The following BMPR1B variants were observed in gnomAD, a reference collection of about 807,000 sequenced individuals.
The protein encoded by BMPR1B is bone morphogenetic protein receptor type-1B.
BMPR1B carries 12 observed loss-of-function variants against 59.1 expected under a neutral mutation model. The ratio of observed to expected loss-of-function variants is 0.20; its 90% confidence interval spans 0.13 to 0.33. The LOEUF (loss-of-function observed/expected upper bound fraction) is 0.33. BMPR1B is among the 10% of genes least tolerant of loss of function. BMPR1B has a pLI of 1.00. For missense variants in BMPR1B, 550 were observed against 610.9 expected (o/e 0.90, Z 1.05); for synonymous variants, 237 against 207.3 (o/e 1.14, Z -1.23).
intron 2 of BMPR1B, among the ~76,000 whole-genome samples, chr4:94,945,461 A>G (rs940754023): frequency 6.6e-6 from 1 of 152,190 alleles, no homozygotes; most frequent in African/African-American, 2.4e-5. Flanking sequence ...TTGTTTAGAC[A>G]GGGTCTTGCT....
intron 3 of BMPR1B, among the ~76,000 whole-genome samples, chr4:95,079,210 A>T (rs932583179): frequency 8.5e-5 from 13 of 152,224 alleles, no homozygotes. Context: ...CACAATTGAG[A>T]TAGGACAGAA....
chr4:95,011,637 A>T (rs1041939324), intron 3 of BMPR1B, among the ~76,000 whole-genome samples: 14 of 152,216 alleles, frequency 9.2e-5, no homozygotes, highest in Non-Finnish European at 2.1e-4. Flanking sequence ...ACATTTTATT[A>T]GCCAGCTTTT....
At chr4:94,946,940 T>C (rs1729738655) in intron 2 of BMPR1B, among the ~76,000 whole-genome samples, 1 of 152,022 alleles carries the variant, frequency 6.6e-6, no homozygotes, top group Non-Finnish European at 1.5e-5. Context: ...TGGCCCCTGC[T>C]ACCCGGGAGA....
intron 2 of BMPR1B, among the ~76,000 whole-genome samples, chr4:94,951,972 T>C (rs543701856): frequency 6.6e-6 from 1 of 152,288 alleles, no homozygotes; most frequent in African/African-American, 2.4e-5. Context: ...GACTTCTTCC[T>C]GGTTTAGTCT....
intron 2 of BMPR1B, among the ~76,000 whole-genome samples, chr4:94,939,675 A>G (rs892580311): frequency 6.6e-6 from 1 of 152,204 alleles, no homozygotes; most frequent in African/African-American, 2.4e-5. Flanking sequence ...TAGAGGTAGC[A>G]TATTACCAAC....
intron 2 of BMPR1B, among the ~76,000 whole-genome samples, chr4:94,974,645 A>C (rs1303941237): frequency 6.6e-6 from 1 of 152,106 alleles, no homozygotes; most frequent in Admixed American, 6.5e-5. Context: ...TTAGCACTTA[A>C]TTGTTTTATT....
At chr4:94,827,001 G>A (rs983183208) in intron 1 of BMPR1B, among the ~76,000 whole-genome samples, 19 of 151,970 alleles carry the variant, frequency 1.3e-4, no homozygotes, top group African/African-American at 4.6e-4. Context: ...CAAAAATACT[G>A]AATTCTAAAA....
chr4:95,088,538 A>G (rs1484922730), intron 3 of BMPR1B, among the ~76,000 whole-genome samples: 1 of 152,146 alleles, frequency 6.6e-6, no homozygotes, highest in Non-Finnish European at 1.5e-5. Flanking sequence ...TTTATTCCAG[A>G]TTATCTGCTA....
intron 2 of BMPR1B, among the ~76,000 whole-genome samples, chr4:94,901,625 A>T (rs1727811957): frequency 6.6e-6 from 1 of 152,038 alleles, no homozygotes; most frequent in Admixed American, 6.6e-5. Context: ...AACCTAGGAA[A>T]TACAAATTAA....
intron 3 of BMPR1B, among the ~76,000 whole-genome samples, chr4:95,077,683 T>C (rs945770707): frequency 6.6e-6 from 1 of 152,158 alleles, no homozygotes; most frequent in African/African-American, 2.4e-5. Context: ...AACTGGCTTT[T>C]CGTGATTATA....
intron 2 of BMPR1B, among the ~76,000 whole-genome samples, chr4:94,964,427 T>G (rs1730478262): frequency 6.6e-6 from 1 of 152,172 alleles, no homozygotes; most frequent in Non-Finnish European, 1.5e-5. Context: ...GCTTTCAGTT[T>G]CTCCCTTTTC....
intron 3 of BMPR1B, among the ~76,000 whole-genome samples, chr4:95,059,757 A>G (rs959124442): frequency 2.0e-5 from 3 of 152,158 alleles, no homozygotes; most frequent in Admixed American, 2.0e-4. Flanking sequence ...CACATTGTAG[A>G]AGACATCTGG....
chr4:95,134,072 T>G (rs987163705), intron 10 of BMPR1B, among the ~76,000 whole-genome samples: 1 of 152,142 alleles, frequency 6.6e-6, no homozygotes, highest in Non-Finnish European at 1.5e-5. Flanking sequence ...CCACCCTGTG[T>G]CCAAGTGTTC....
At chr4:95,101,669 C>A (rs114664990) in intron 3 of BMPR1B, among the ~76,000 whole-genome samples, 364 of 152,196 alleles carry the variant, frequency 2.4e-3, no homozygotes, top group African/African-American at 8.2e-3. Flanking sequence ...TAATTATTAA[C>A]TCTAATATTT....
chr4:95,046,860 C>G (rs1024584034), intron 3 of BMPR1B, among the ~76,000 whole-genome samples: 7 of 152,256 alleles, frequency 4.6e-5, no homozygotes, highest in Non-Finnish European at 1.0e-4. Flanking sequence ...TTGTTATTCT[C>G]CTTTCTGATA....
chr4:95,152,626 T>G lies in BMPR1B; in HGVS notation c.1253-17T>G. ...AAAATAATAATAATAATAATAATAG[T>G]AACAACATATTTTTAGGTATAGTGG... On this transcript the variant is annotated splice_polypyrimidine_tract_variant and intron_variant, in intron 11 of 12. Transcript: ENST00000515059. 2 of 1,515,662 alleles carry G rather than the reference T, an allele frequency of 1.3e-6. No homozygotes were observed. The highest frequency in any genetic ancestry group is 1.8e-6 in the Non-Finnish European group (2 of 1,120,506). The allele number at this position is 1,515,662 out of a possible 1,614,324, so 93.9% of individuals were successfully genotyped here.
intron 3 of BMPR1B, among the ~76,000 whole-genome samples, chr4:95,049,874 C>T (rs898495811): frequency 1.3e-5 from 2 of 151,980 alleles, no homozygotes; most frequent in African/African-American, 4.8e-5. Flanking sequence ...AATCAGCTTG[C>T]ACATAGTTCA....
At chr4:95,074,487 C>T (rs1267094763) in intron 3 of BMPR1B, among the ~76,000 whole-genome samples, 1 of 152,068 alleles carries the variant, frequency 6.6e-6, no homozygotes, top group Non-Finnish European at 1.5e-5. Context: ...AACGAATCCT[C>T]ACTCCCGATG....
intron 2 of BMPR1B, among the ~76,000 whole-genome samples, chr4:94,971,001 T>G (rs145280653): frequency 6.6e-6 from 1 of 152,338 alleles, no homozygotes; most frequent in African/African-American, 2.4e-5. Context: ...GAATTTGGGA[T>G]TTGTCCTAAT....
Sources: allele counts gnomAD v4.1 joint callset (sites outside exome capture counted in the v4.1 genomes callset), GRCh38; gene constraint gnomAD v4.1.1; transcripts MANE v1.5; gene names NCBI Gene and HGNC (gene_info 2026-07-23, HGNC 2026-07-21).